Variants in LMX1B observed in about 807,000 individuals in gnomAD.
LMX1B encodes the protein LIM homeobox transcription factor 1-beta.
LMX1B carries 12 observed loss-of-function variants against 51.4 expected under a neutral mutation model. The ratio of observed to expected loss-of-function variants is 0.23; its 90% CI spans 0.15 to 0.38. LMX1B has a LOEUF of 0.38. LMX1B is among the 10% of genes least tolerant of loss of function. The probability of loss-of-function intolerance (pLI) is 1.00; values close to 1 mark genes in which losing one functional copy is unlikely to be tolerated. For missense variants in LMX1B, 445 were observed against 571.1 expected (o/e 0.78, Z 2.25); for synonymous variants, 237 against 235.4 (o/e 1.01, Z -0.06).
chr9:126,622,534 G>A (rs756945290), intron 2 of LMX1B, among the ~76,000 whole-genome samples: 11 of 152,342 alleles, frequency 7.2e-5, no homozygotes, highest in South Asian at 2.1e-4. Flanking sequence ...CTTCAGCAGC[G>A]GTGACGGGAG....
rs555308623 is a variant in LMX1B at position 126,626,538 on chromosome 9, C to T, written c.326+10969C>T. The stretch of plus-strand genomic sequence containing the variant: ...AGAAGCCCTGAGCTCACCTCCCGCC[C>T]GTCCTCTCCTGGAGCCCCCTCTGCA... On this transcript the variant is annotated intron_variant, in intron 2 of 7. Coordinates refer to ENST00000373474, the MANE Select transcript of LMX1B (RefSeq NM_001174147.2). This position sits in a 1 kb window ranked among gnomAD's most constrained non-coding sequence, Gnocchi z 4.3. Among the ~76,000 whole-genome samples the T allele has an allele frequency of 1.1e-4, 17 of 152,300 alleles. No individual in the cohort carries two copies. In the East Asian group the frequency reaches 2.9e-3, roughly 26 times the overall value.
rs116040571 is a variant in LMX1B, at chr9:126,657,976, G to A, written c.327-32860G>A. On this transcript the variant is annotated intron_variant, in intron 2 of 7. Transcript: ENST00000373474. ...CAGCACAGTCCAGGGTGGGCTAGCC[G>A]TCCAGTGATCAGAGTTTCCAGAAGA... 7.2e-3 allele frequency among the ~76,000 whole-genome samples: 1,099 copies of A among 152,222 alleles called. 14 individuals carry two copies. The highest frequency in any genetic ancestry group is 0.025 in the African/African-American group (1,042 of 41,520).
Position 126,696,016 on chromosome 9 carries a change from A to ACGGGGGGCCCCCC in LMX1B, c.1051+14_1051+15insGGGGGGCCCCCCC. The stretch of plus-strand genomic sequence containing the variant: ...ATGAACCCCTATGGTAAGCCGCCCT[A>ACGGGGGGCCCCCC]CCCCCACCCGCCCGCCCCAGCACAG... On this transcript the variant is annotated intron_variant, in intron 7 of 7. Transcript: ENST00000373474. 6.6e-7 allele frequency: 1 copy of ACGGGGGGCCCCCC among 1,512,702 alleles called. No individual in the cohort carries two copies. Among genetic ancestry groups the ACGGGGGGCCCCCC allele is most frequent in the Non-Finnish European group, 8.8e-7 (1 of 1,131,796 alleles). The allele number at this position is 1,512,702 out of a possible 1,614,324, so 93.7% of individuals were successfully genotyped here. A position where few individuals can be genotyped will look rare whatever the true frequency, so the allele number is the denominator to read the frequency against.
intron 2 of LMX1B, among the ~76,000 whole-genome samples, chr9:126,630,089 G>C (rs2118857633): frequency 6.7e-6 from 1 of 150,330 alleles, no homozygotes; most frequent in Admixed American, 6.6e-5. Flanking sequence ...GTGAACCCGG[G>C]AGACGGAGCT....
intron 2 of LMX1B, among the ~76,000 whole-genome samples, chr9:126,665,086 C>T (rs542547318): frequency 6.6e-6 from 1 of 152,344 alleles, no homozygotes; most frequent in South Asian, 2.1e-4. Context: ...TGCTTGTCTT[C>T]TTCCTGCCAA....
chr9:126,691,781 C>T (rs1222117552), intron 3 of LMX1B, among the ~76,000 whole-genome samples: 4 of 152,224 alleles, frequency 2.6e-5, no homozygotes, highest in Non-Finnish European at 5.9e-5. Flanking sequence ...AGCAAACAGC[C>T]TCGAGCCAGC....
chr9:126,620,735 A>G (rs981310980), intron 2 of LMX1B, among the ~76,000 whole-genome samples: 2 of 152,118 alleles, frequency 1.3e-5, no homozygotes, highest in African/African-American at 4.8e-5. Context: ...GGTGGCAAAC[A>G]GAGGGTGGTC....
Position 126,615,701 on chromosome 9 carries a change from C to T in LMX1B, c.326+132C>T. 1 of 777,292 alleles carries T rather than the reference C, an allele frequency of 1.3e-6. No homozygotes were observed. The highest frequency in any genetic ancestry group is 2.1e-5 in the South Asian group (1 of 47,492). 48.1% of individuals were successfully genotyped at this position (777,292 alleles called of 1,614,324 possible). A position where few individuals can be genotyped will look rare whatever the true frequency, so the allele number is the denominator to read the frequency against. ...CTGGGCCGGGCAGCTCCAAGGGTTC[C>T]GAGAGCTGCGCGTCTTGGGGCTGGG... On this transcript the variant is annotated intron_variant, in intron 2 of 7. Transcript: ENST00000373474. The surrounding 1 kb of genome is among the most constrained non-coding windows in gnomAD (Gnocchi z 6.0).
At chr9:126,688,703 G>A (rs2029999593) in intron 2 of LMX1B, among the ~76,000 whole-genome samples, 1 of 152,184 alleles carries the variant, frequency 6.6e-6, no homozygotes, top group Admixed American at 6.5e-5. Context: ...CAGCCAGAGG[G>A]CCAAATTAGA....
chr9:126,683,132 G>T (rs947632251), intron 2 of LMX1B, among the ~76,000 whole-genome samples: 1 of 150,978 alleles, frequency 6.6e-6, no homozygotes, highest in African/African-American at 2.4e-5. Flanking sequence ...CGCAGGAAGC[G>T]CAGGGGCAGC....
chr9:126,688,484 G>C (rs975815148), intron 2 of LMX1B, among the ~76,000 whole-genome samples: 5 of 152,234 alleles, frequency 3.3e-5, no homozygotes, highest in African/African-American at 9.6e-5. Context: ...ACCTTAGTGT[G>C]GCCACTAGGT....
At chr9:126,616,692 G>T in intron 2 of LMX1B, among the ~76,000 whole-genome samples, 1 of 152,218 alleles carries the variant, frequency 6.6e-6, no homozygotes, top group East Asian at 1.9e-4. Context: ...CTGGGCTGCC[G>T]GCGCCTCGTG....
intron 2 of LMX1B, among the ~76,000 whole-genome samples, chr9:126,664,619 TA>T (rs1296605681): frequency 6.6e-6 from 1 of 152,180 alleles, no homozygotes; most frequent in African/African-American, 2.4e-5. Context: ...CTCACGCTTG[TA>T]ATCCCAGCAC....
rs1228879904 is a variant in LMX1B at position 126,658,390 on chromosome 9, CG to C, written c.327-32443del. On this transcript the variant is annotated intron_variant, in intron 2 of 7. Transcript: ENST00000373474. This position sits in a 1 kb window ranked among gnomAD's most constrained non-coding sequence, Gnocchi z 4.0. ...TTCGGCTGGCCCTCCCCCTGGCTGC[CG>C]GGCCCGGGCACCCCTGCTGCTGACC... is the stretch of plus-strand genomic sequence containing the variant. Among the ~76,000 whole-genome samples the C allele has an allele frequency of 6.7e-6, 1 of 148,828 alleles. No homozygotes were observed. The highest frequency in any genetic ancestry group is 1.5e-5 in the Non-Finnish European group (1 of 67,374).
intron 2 of LMX1B, 65 bp from the exon 3 acceptor site, chr9:126,690,771 G>T: frequency 7.1e-7 from 1 of 1,407,226 alleles, no homozygotes; most frequent in Middle Eastern, 2.0e-4. Context: ...AGAGGCCCTC[G>T]GCAGGAGTGG....
At chr9:126,652,772 A>C (rs1267393904) in intron 2 of LMX1B, among the ~76,000 whole-genome samples, 1 of 152,220 alleles carries the variant, frequency 6.6e-6, no homozygotes, top group Non-Finnish European at 1.5e-5. Flanking sequence ...AAGTACCTGG[A>C]GCCTGTGGGA....
At chr9:126,634,503 A>G (rs1835680618) in intron 2 of LMX1B, among the ~76,000 whole-genome samples, 1 of 152,156 alleles carries the variant, frequency 6.6e-6, no homozygotes, top group African/African-American at 2.4e-5. Context: ...AGGAGATGCC[A>G]GGAGCAGACC....
intron 2 of LMX1B, among the ~76,000 whole-genome samples, chr9:126,665,540 G>T (rs1337933900): frequency 6.6e-6 from 1 of 152,264 alleles, no homozygotes; most frequent in Non-Finnish European, 1.5e-5. Context: ...TCTGGAGGAG[G>T]CGGGAGGCTC....
intron 2 of LMX1B, among the ~76,000 whole-genome samples, chr9:126,682,083 CTTTTTTT>C (rs71377953): frequency 1.9e-5 from 1 of 53,378 alleles, no homozygotes; most frequent in African/African-American, 8.5e-5. Context: ...TCCCCAGGGT[CTTTTTTT>C]TTTTTTTTTT....
Sources: gnomAD v4.1 joint callset for allele counts (sites outside exome capture counted in the v4.1 genomes callset) on GRCh38, gnomAD v4.1.1 for gene constraint, Gnocchi (gnomAD v3.1) non-coding constraint, MANE v1.5 for transcripts, NCBI Gene and HGNC (gene_info 2026-07-23, HGNC 2026-07-21) for gene names.